Variants in ARB2A observed in about 807,000 individuals in gnomAD.
ARB2A encodes the protein cotranscriptional regulator ARB2A.
the ARB2A span, among the ~76,000 whole-genome samples, chr5:94,103,980 A>T: frequency 1.3e-5 from 2 of 152,088 alleles, no homozygotes; most frequent in African/African-American, 4.8e-5. Flanking sequence ...GAAATGACAT[A>T]CCAGATTCTC....
At chr5:93,861,560 A>C in the ARB2A span, 1 of 152,228 alleles carries the variant, frequency 6.6e-6, no homozygotes, top group South Asian at 2.1e-4. Context: ...GCTGTTCAAT[A>C]ACTATTTGAT....
the ARB2A span, among the ~76,000 whole-genome samples, chr5:93,709,632 CAA>C: frequency 0.088 from 3,548 of 40,524 alleles, 4 homozygotes; most frequent in African/African-American, 0.11. Context: ...GACTCTGTCA[CAA>C]AAAAAAAAAA....
chr5:93,820,789 C>T, the ARB2A span, among the ~76,000 whole-genome samples: 1 of 152,012 alleles, frequency 6.6e-6, no homozygotes, highest in African/African-American at 2.4e-5. Flanking sequence ...ATGACTAAAT[C>T]CTACAATCAA....
At chr5:93,775,988 C>A in the ARB2A span, among the ~76,000 whole-genome samples, 1 of 152,162 alleles carries the variant, frequency 6.6e-6, no homozygotes, top group Non-Finnish European at 1.5e-5. Context: ...TTTTAAGCTA[C>A]TTAACAAATA....
chr5:94,052,431 A>G, the ARB2A span, among the ~76,000 whole-genome samples: 1 of 152,238 alleles, frequency 6.6e-6, no homozygotes. Context: ...CTTAATATCT[A>G]TAACTGATAT....
the ARB2A span, among the ~76,000 whole-genome samples, chr5:93,879,609 G>A: frequency 1.3e-5 from 2 of 151,740 alleles, no homozygotes; most frequent in South Asian, 4.1e-4. Flanking sequence ...AAAAATAGAT[G>A]AGAGGAAAAA....
chr5:93,828,443 C>G, the ARB2A span, among the ~76,000 whole-genome samples: 2 of 152,136 alleles, frequency 1.3e-5, no homozygotes, highest in Non-Finnish European at 2.9e-5. Flanking sequence ...TGTTATTTCT[C>G]TTTCTCCCAA....
the ARB2A span, among the ~76,000 whole-genome samples, chr5:93,852,023 C>T: frequency 9.2e-5 from 14 of 152,276 alleles, no homozygotes; most frequent in South Asian, 1.0e-3. Flanking sequence ...CCTGAGGAAT[C>T]GCCACACTGA....
the ARB2A span, among the ~76,000 whole-genome samples, chr5:93,762,773 A>C: frequency 2.6e-5 from 4 of 152,244 alleles, no homozygotes; most frequent in Admixed American, 2.0e-4. Flanking sequence ...GTTGAAATGA[A>C]GGAAAAAATG....
the ARB2A span, among the ~76,000 whole-genome samples, chr5:93,896,105 T>A: frequency 3.2e-4 from 48 of 152,104 alleles, no homozygotes; most frequent in Non-Finnish European, 2.4e-4. Flanking sequence ...ATAAGAAATC[T>A]ATGTCTAAGA....
chr5:93,730,631 T>C, the ARB2A span, among the ~76,000 whole-genome samples: 1 of 152,134 alleles, frequency 6.6e-6, no homozygotes, highest in Non-Finnish European at 1.5e-5. Flanking sequence ...CTGCTTTTCA[T>C]AAACACAATG....
chr5:93,759,407 T>A, the ARB2A span, among the ~76,000 whole-genome samples: 825 of 152,200 alleles, frequency 5.4e-3, 7 homozygotes, highest in Non-Finnish European at 6.6e-3. Flanking sequence ...GAAGCCAGCA[T>A]CACCCCAATA....
chr5:93,637,561 T>G, the ARB2A span, among the ~76,000 whole-genome samples: 8 of 152,218 alleles, frequency 5.3e-5, no homozygotes, highest in African/African-American at 1.9e-4. Context: ...TGGCCCACTA[T>G]TTCCAGGTCC....
chr5:93,752,066 G>T, the ARB2A span, among the ~76,000 whole-genome samples: 1 of 152,164 alleles, frequency 6.6e-6, no homozygotes, highest in African/African-American at 2.4e-5. Flanking sequence ...TAAAGACATG[G>T]CATAGAGGCT....
the ARB2A span, among the ~76,000 whole-genome samples, chr5:93,759,911 G>C: frequency 6.6e-6 from 1 of 152,114 alleles, no homozygotes; most frequent in East Asian, 1.9e-4. Context: ...TCAGATAAGA[G>C]AAAGAAATAA....
At chr5:93,739,248 A>T in the ARB2A span, 1 of 152,256 alleles carries the variant, frequency 6.6e-6, no homozygotes, top group African/African-American at 2.4e-5. Flanking sequence ...CAGAAAAAAA[A>T]AGAAAGAAAG....
At chr5:93,922,647 G>A in the ARB2A span, among the ~76,000 whole-genome samples, 1 of 94,364 alleles carries the variant, frequency 1.1e-5, no homozygotes, top group African/African-American at 4.1e-5. Flanking sequence ...AGAAAGGGAG[G>A]GAGGGAGGGA....
chr5:93,992,010 G>A, the ARB2A span, among the ~76,000 whole-genome samples: 1 of 151,868 alleles, frequency 6.6e-6, no homozygotes, highest in African/African-American at 2.4e-5. Flanking sequence ...AATCTTAAAA[G>A]CTGCCAGAGA....
chr5:93,726,211 G>A, the ARB2A span, among the ~76,000 whole-genome samples: 1 of 151,968 alleles, frequency 6.6e-6, no homozygotes, highest in East Asian at 1.9e-4. Context: ...TCAAGAAACT[G>A]GAAAAATTGA....
Sources: allele counts gnomAD v4.1 joint callset (sites outside exome capture counted in the v4.1 genomes callset), GRCh38; gene constraint gnomAD v4.1.1; transcripts MANE v1.5; gene names NCBI Gene and HGNC (gene_info 2026-07-23, HGNC 2026-07-21).